The following TECRL variants were observed in gnomAD, a reference collection of about 807,000 sequenced individuals.
The protein encoded by TECRL is trans-2,3-enoyl-CoA reductase like.
Under a neutral mutation model 52.8 loss-of-function variants are expected in TECRL, and 63 were observed. The ratio of observed to expected loss-of-function variants is 1.19; its 90% CI spans 0.97 to 1.47. TECRL has a LOEUF of 1.47. TECRL is among the 40% of genes most tolerant of loss of function. TECRL has a pLI of 0.00. For synonymous variants in TECRL, 164 were observed against 141.9 expected (o/e 1.16, Z -1.10); for missense variants, 482 against 429.6 (o/e 1.12, Z -1.08).
intron 2 of TECRL, among the ~76,000 whole-genome samples, chr4:64,341,745 T>C (rs1006670266): frequency 6.6e-6 from 1 of 152,126 alleles, no homozygotes; most frequent in Admixed American, 6.6e-5. Flanking sequence ...TGGGCCCCTG[T>C]GGTTGCTGGC....
chr4:64,374,169 C>A (rs1348390802), intron 2 of TECRL, among the ~76,000 whole-genome samples: 2 of 148,234 alleles, frequency 1.3e-5, no homozygotes, highest in South Asian at 2.1e-4. Context: ...GACTTTATAG[C>A]AAAATAAAAA....
chr4:64,294,104 A>C (rs532564221), intron 8 of TECRL, among the ~76,000 whole-genome samples: 2 of 151,678 alleles, frequency 1.3e-5, no homozygotes, highest in Non-Finnish European at 2.9e-5. Context: ...TTCCTGCCTC[A>C]GCCTCCCGAG....
chr4:64,387,206 C>A (rs1290236240), intron 1 of TECRL, among the ~76,000 whole-genome samples: 1 of 152,022 alleles, frequency 6.6e-6, no homozygotes, highest in Non-Finnish European at 1.5e-5. Context: ...CTTAGTAATG[C>A]ACATTTAAAT....
intron 1 of TECRL, among the ~76,000 whole-genome samples, chr4:64,406,681 G>A (rs1250942407): frequency 1.3e-5 from 2 of 151,924 alleles, no homozygotes; most frequent in Admixed American, 6.6e-5. Flanking sequence ...CTAAATAAGG[G>A]TCTTGGGGAT....
At chr4:64,372,184 G>A (rs1164490561) in intron 2 of TECRL, among the ~76,000 whole-genome samples, 1 of 151,720 alleles carries the variant, frequency 6.6e-6, no homozygotes, top group African/African-American at 2.4e-5. Flanking sequence ...GAAGAGACTT[G>A]AAGATGCAAA....
chr4:64,373,891 T>G (rs1203904127), intron 2 of TECRL, among the ~76,000 whole-genome samples: 2 of 149,372 alleles, frequency 1.3e-5, no homozygotes, highest in Non-Finnish European at 3.0e-5. Flanking sequence ...AAATTTATTT[T>G]AAGTAGAAAT....
intron 2 of TECRL, among the ~76,000 whole-genome samples, chr4:64,330,323 G>C (rs1718553128): frequency 6.6e-6 from 1 of 151,978 alleles, no homozygotes; most frequent in South Asian, 2.1e-4. Context: ...CTCCTGTTTG[G>C]AACTGAACAT....
At chr4:64,362,868 G>T (rs1460174299) in intron 2 of TECRL, among the ~76,000 whole-genome samples, 1 of 151,996 alleles carries the variant, frequency 6.6e-6, no homozygotes, top group East Asian at 1.9e-4. Context: ...CAATGTAAAT[G>T]GTCTAAATAC....
intron 2 of TECRL, among the ~76,000 whole-genome samples, chr4:64,368,248 T>C (rs1336494833): frequency 6.6e-6 from 1 of 151,562 alleles, no homozygotes; most frequent in Non-Finnish European, 1.5e-5. Flanking sequence ...CCATCTAAAA[T>C]GTTGACAAGG....
chr4:64,401,974 A>C (rs976764612), intron 1 of TECRL, among the ~76,000 whole-genome samples: 8 of 152,174 alleles, frequency 5.3e-5, no homozygotes, highest in Non-Finnish European at 8.8e-5. Context: ...CAAAGAAAAC[A>C]CAATTTATTC....
chr4:64,377,654 A>C (rs1192948161), intron 1 of TECRL, among the ~76,000 whole-genome samples: 1 of 152,066 alleles, frequency 6.6e-6, no homozygotes, highest in African/African-American at 2.4e-5. Flanking sequence ...CCAAGAATTT[A>C]CTTCTAAATT....
intron 1 of TECRL, among the ~76,000 whole-genome samples, chr4:64,383,603 ATATC>A (rs1263471117): frequency 6.6e-6 from 1 of 151,758 alleles, no homozygotes; most frequent in East Asian, 1.9e-4. Context: ...CTTTTTTATT[ATATC>A]TATCTTTTTG....
At chr4:64,347,255 T>TTACTTATC (rs1720055347) in intron 2 of TECRL, among the ~76,000 whole-genome samples, 1 of 152,158 alleles carries the variant, frequency 6.6e-6, no homozygotes, top group African/African-American at 2.4e-5. Flanking sequence ...AAAAGAACAC[T>TTACTTATC]GACTTATCTG....
chr4:64,324,654 A>G (rs778982363), intron 3 of TECRL, among the ~76,000 whole-genome samples: 1 of 152,144 alleles, frequency 6.6e-6, no homozygotes, highest in Non-Finnish European at 1.5e-5. Context: ...TTTAACAGCC[A>G]GATAATTTAG....
chr4:64,378,370 A>G (rs1722544777), intron 1 of TECRL, among the ~76,000 whole-genome samples: 1 of 152,026 alleles, frequency 6.6e-6, no homozygotes, highest in Non-Finnish European at 1.5e-5. Context: ...CTTCAAGACG[A>G]GCCTGGGCAA....
intron 8 of TECRL, among the ~76,000 whole-genome samples, chr4:64,297,655 C>T (rs1239652501): frequency 2.6e-5 from 4 of 150,994 alleles, no homozygotes; most frequent in Non-Finnish European, 4.5e-5. Flanking sequence ...ATCATTTGCA[C>T]ATATAGTACT....
At chr4:64,354,297 G>A (rs1192582225) in intron 2 of TECRL, among the ~76,000 whole-genome samples, 1 of 152,156 alleles carries the variant, frequency 6.6e-6, no homozygotes, top group East Asian at 1.9e-4. Flanking sequence ...AGGATATGGA[G>A]AGGGAAATCA....
intron 8 of TECRL, among the ~76,000 whole-genome samples, chr4:64,298,043 G>T (rs1292523921): frequency 6.6e-6 from 1 of 150,864 alleles, no homozygotes; most frequent in African/African-American, 2.4e-5. Context: ...TTACTTTTAA[G>T]AAAGGTTTTC....
At chr4:64,368,582 C>T (rs753785817) in intron 2 of TECRL, among the ~76,000 whole-genome samples, 50 of 152,326 alleles carry the variant, frequency 3.3e-4, no homozygotes, top group African/African-American at 9.1e-4. Context: ...GCATGAGCCA[C>T]TGTGCCCAGC....
Sources: allele counts gnomAD v4.1 joint callset (sites outside exome capture counted in the v4.1 genomes callset), GRCh38; gene constraint gnomAD v4.1.1; transcripts MANE v1.5; gene names NCBI Gene and HGNC (gene_info 2026-07-23, HGNC 2026-07-21).